The following NRCAM variants were observed in gnomAD, a reference collection of about 807,000 sequenced individuals.
NRCAM encodes neuronal cell adhesion molecule.
NRCAM carries 83 observed loss-of-function variants against 156.5 expected under a neutral mutation model. The ratio of observed to expected loss-of-function variants is 0.53; its 90% CI spans 0.44 to 0.64. The LOEUF (loss-of-function observed/expected upper bound fraction) is 0.64, where lower values mean the gene tolerates loss of function less well. Among genes scored for constraint, NRCAM ranks in the 30% least tolerant of loss-of-function variants. The pLI is 0.00. For synonymous variants in NRCAM, 538 were observed against 563.9 expected, an observed-to-expected ratio of 0.95 and a Z score of 0.65; for missense variants, 1,417 against 1,597.3, an observed-to-expected ratio of 0.89 and a Z score of 1.92.
chr7:108,261,350 A>G (rs953359727), intron 3 of NRCAM, among the ~76,000 whole-genome samples: 3 of 152,190 alleles, frequency 2.0e-5, no homozygotes, highest in African/African-American at 7.2e-5. Flanking sequence ...CCACCGCCTA[A>G]GTTAGGTCTG....
intron 2 of NRCAM, among the ~76,000 whole-genome samples, chr7:108,392,610 G>C (rs1265295074): frequency 6.6e-6 from 1 of 152,194 alleles, no homozygotes; most frequent in Non-Finnish European, 1.5e-5. Flanking sequence ...TTCCGTTGCT[G>C]GCAAGGAGCT....
chr7:108,373,186 G>C (rs905079984), intron 2 of NRCAM, among the ~76,000 whole-genome samples: 1 of 152,144 alleles, frequency 6.6e-6, no homozygotes, highest in African/African-American at 2.4e-5. Context: ...GATTGCCAAG[G>C]GGTGGAAGTA....
intron 32 of NRCAM, among the ~76,000 whole-genome samples, chr7:108,154,800 A>T (rs1260721808): frequency 6.6e-6 from 1 of 152,060 alleles, no homozygotes; most frequent in Non-Finnish European, 1.5e-5. Context: ...CTCCCATCAC[A>T]TCTCTTCTCT....
intron 30 of NRCAM, among the ~76,000 whole-genome samples, chr7:108,163,572 G>A (rs17134752): frequency 6.6e-6 from 1 of 152,098 alleles, no homozygotes; most frequent in African/African-American, 2.4e-5. Flanking sequence ...CAAAAAAGCT[G>A]TTGGGCCTCG....
intron 30 of NRCAM, among the ~76,000 whole-genome samples, chr7:108,163,766 C>T (rs1563204977): frequency 6.7e-6 from 1 of 148,156 alleles, no homozygotes; most frequent in Non-Finnish European, 1.5e-5. Flanking sequence ...AGCAGTCATA[C>T]CAGGTGGGGT....
chr7:108,440,166 G>C (rs1836984652), intron 1 of NRCAM, among the ~76,000 whole-genome samples: 1 of 152,070 alleles, frequency 6.6e-6, no homozygotes, highest in Non-Finnish European at 1.5e-5. Flanking sequence ...CTACATACCA[G>C]GGAATACCAC....
intron 32 of NRCAM, chr7:108,159,177 T>C: frequency 1.8e-6 from 1 of 563,758 alleles, no homozygotes. Flanking sequence ...AGTAGCATAT[T>C]GGCTTTGCTA....
At chr7:108,191,961 T>C in intron 17 of NRCAM, 108 bp from the exon 18 acceptor site, 1 of 1,312,486 alleles carries the variant, frequency 7.6e-7, no homozygotes, top group Non-Finnish European at 1.0e-6. Flanking sequence ...AGAAAGATGG[T>C]AAACACTTTC....
intron 2 of NRCAM, among the ~76,000 whole-genome samples, chr7:108,323,851 G>A (rs536451621): frequency 1.3e-5 from 2 of 152,272 alleles, no homozygotes; most frequent in South Asian, 4.1e-4. Flanking sequence ...TTCTTGGAAG[G>A]TGTAATTCCA....
At chr7:108,335,316 A>G (rs2099167810) in intron 2 of NRCAM, among the ~76,000 whole-genome samples, 1 of 152,116 alleles carries the variant, frequency 6.6e-6, no homozygotes, top group Non-Finnish European at 1.5e-5. Context: ...CAGAACACAT[A>G]AGAGATTCCC....
intron 3 of NRCAM, among the ~76,000 whole-genome samples, chr7:108,258,641 GCT>G (rs2096774442): frequency 1.3e-5 from 2 of 152,294 alleles, no homozygotes; most frequent in African/African-American, 4.8e-5. Context: ...TGTTCAACAA[GCT>G]CTGTGTGCCT....
At chr7:108,258,702 G>C (rs1182768850) in intron 3 of NRCAM, among the ~76,000 whole-genome samples, 2 of 152,216 alleles carry the variant, frequency 1.3e-5, no homozygotes, top group Non-Finnish European at 2.9e-5. Context: ...CTCCGGGGCT[G>C]TTGAGATAAA....
chr7:108,353,828 T>C (rs1284503729), intron 2 of NRCAM, among the ~76,000 whole-genome samples: 1 of 152,286 alleles, frequency 6.6e-6, no homozygotes. Flanking sequence ...TTACAAGCAA[T>C]GTTGCTTTTG....
rs1563354014 is a variant in NRCAM at position 108,191,722 on chromosome 7, T to C, written c.1903+7A>G. 17 of 1,585,880 alleles carry C rather than the reference T, an allele frequency of 1.1e-5. No homozygotes were observed. The highest frequency in any genetic ancestry group is 1.2e-5 in the Non-Finnish European group (14 of 1,163,092). ...GCCAGTTGTGCTATTTTTGTTTTCG[T>C]TCTTACCAACAACGCTAAGCACAGC... On this transcript the variant is annotated splice_region_variant and intron_variant, in intron 18 of 32. Transcript: ENST00000379028.
chr7:108,365,529 T>C lies in NRCAM; in HGVS notation c.-174+33907A>G, dbSNP rs543196116. Among the ~76,000 whole-genome samples the C allele has an allele frequency of 1.1e-4, 16 of 152,316 alleles. No individual in the cohort carries two copies. In the South Asian group the frequency reaches 2.7e-3, roughly 26 times the overall value. ...ACCTCACATACTTATAATTTCTTTA[T>C]AGTGAGAACATTTAAAATCTAAGAT... On this transcript the variant is annotated intron_variant, in intron 2 of 32. Transcript: ENST00000379028.
At chr7:108,413,934 C>CA (rs1014914862) in intron 1 of NRCAM, among the ~76,000 whole-genome samples, 40 of 152,286 alleles carry the variant, frequency 2.6e-4, no homozygotes, top group African/African-American at 9.4e-4. Flanking sequence ...GGCTCTGACT[C>CA]AGCCTCTGTC....
At chr7:108,355,972 C>T (rs866623494) in intron 2 of NRCAM, among the ~76,000 whole-genome samples, 2 of 149,116 alleles carry the variant, frequency 1.3e-5, no homozygotes, top group African/African-American at 4.9e-5. Flanking sequence ...GATGGAGTCT[C>T]GCTCTGTTGC....
intron 20 of NRCAM, among the ~76,000 whole-genome samples, chr7:108,189,121 T>C (rs1175490652): frequency 6.6e-6 from 1 of 152,138 alleles, no homozygotes; most frequent in African/African-American, 2.4e-5. Flanking sequence ...CTCACATTGT[T>C]GAATGGGCAA....
intron 25 of NRCAM, among the ~76,000 whole-genome samples, chr7:108,178,825 C>G (rs562802196): frequency 6.6e-6 from 1 of 152,272 alleles, no homozygotes; most frequent in Admixed American, 6.5e-5. Flanking sequence ...TACCACTGCC[C>G]CTGGAAACTA....
Sources: gnomAD v4.1 joint callset for allele counts (sites outside exome capture counted in the v4.1 genomes callset) on GRCh38, gnomAD v4.1.1 for gene constraint, MANE v1.5 for transcripts, NCBI Gene and HGNC (gene_info 2026-07-23, HGNC 2026-07-21) for gene names.